The following C1orf146 variants were observed in gnomAD, a reference collection of about 807,000 sequenced individuals.
C1orf146 encodes protein SPO16 homolog.
A neutral mutation model predicts 23.0 loss-of-function variants in C1orf146; 22 were observed. The ratio of observed to expected loss-of-function variants is 0.96; its 90% CI spans 0.68 to 1.36. The LOEUF (loss-of-function observed/expected upper bound fraction) is 1.36. Ranked by LOEUF, C1orf146 falls within the 40% of genes most tolerant of loss-of-function variation. The probability of loss-of-function intolerance (pLI) is 0.00; values close to 1 mark genes in which losing one functional copy is unlikely to be tolerated. For missense variants in C1orf146, 199 were observed against 206.8 expected (o/e 0.96, Z 0.23); for synonymous variants, 59 against 65.3 (o/e 0.90, Z 0.47).
chr1:92,229,033 C>G (rs1652038245), intron 1 of C1orf146: 2 of 481,858 alleles, frequency 4.2e-6, no homozygotes, highest in Admixed American at 4.9e-5. Flanking sequence ...TTGTGGTGAA[C>G]AGTGGAGGGG....
In C1orf146 at chr1:92,245,545, C is replaced by G; in HGVS notation, c.414C>G (p.Thr138=). 1 of 1,592,092 alleles carries G rather than the reference C, an allele frequency of 6.3e-7. No individual in the cohort carries two copies. Among genetic ancestry groups the G allele is most frequent in the Non-Finnish European group, 8.5e-7 (1 of 1,171,770 alleles). Residue 138 remains threonine (T), a synonymous_variant, in exon 6 of 6, where the codon ACC becomes ACG. Transcript: ENST00000370375. ...ATCTTTATATCTTCTTCCAGACTAC[C>G]TCCAAACCATACATAGATAGCATTT... is the stretch of plus-strand genomic sequence containing the variant. ...INLMCTIAKT[T]SKPYIDSICY...
intron 4 of C1orf146, 71 bp from the exon 5 acceptor site, chr1:92,244,705 CTCT>C (rs1467823709): frequency 4.1e-5 from 39 of 943,342 alleles, no homozygotes; most frequent in Admixed American, 3.7e-4. Flanking sequence ...AGAGATTTGT[CTCT>C]TCTTTCCACT....
At chr1:92,240,228 T>C (rs1242775265) in intron 2 of C1orf146, among the ~76,000 whole-genome samples, 1 of 152,250 alleles carries the variant, frequency 6.6e-6, no homozygotes, top group Admixed American at 6.5e-5. Flanking sequence ...CAGCCTCTCT[T>C]CTGCCTCTTT....
intron 2 of C1orf146, among the ~76,000 whole-genome samples, chr1:92,234,496 T>A (rs1275947056): frequency 2.0e-5 from 3 of 152,250 alleles, no homozygotes; most frequent in African/African-American, 7.2e-5. Flanking sequence ...TTTGATGTGC[T>A]GCTGCATTCG....
At chr1:92,244,678 G>A (rs971103230) in intron 4 of C1orf146, 101 bp from the exon 5 acceptor site, 2 of 784,576 alleles carry the variant, frequency 2.5e-6, no homozygotes, top group East Asian at 5.2e-5. Context: ...TGAATGCATA[G>A]ACAAATAACA....
chr1:92,245,413 C>A, intron 5 of C1orf146, 127 bp from the exon 6 acceptor site: 1 of 706,876 alleles, frequency 1.4e-6, no homozygotes, highest in Non-Finnish European at 2.3e-6. Context: ...GTAACTCATA[C>A]ATAGTATTTA....
At chr1:92,226,521 C>T (rs1028232763) in intron 1 of C1orf146, among the ~76,000 whole-genome samples, 3 of 152,132 alleles carry the variant, frequency 2.0e-5, no homozygotes, top group East Asian at 3.8e-4. Context: ...TTTAGTCTTA[C>T]ATTTATGCAT....
chr1:92,223,390 A>G (rs965928981), intron 1 of C1orf146, among the ~76,000 whole-genome samples: 2 of 152,104 alleles, frequency 1.3e-5, no homozygotes, highest in Admixed American at 1.3e-4. Context: ...TTTAATTTGC[A>G]TTTCCCTAAT....
intron 1 of C1orf146, among the ~76,000 whole-genome samples, chr1:92,223,524 G>GT (rs1418886729): frequency 6.6e-6 from 1 of 151,768 alleles, no homozygotes; most frequent in Non-Finnish European, 1.5e-5. Flanking sequence ...GTGTCTTTTT[G>GT]TTTTTGTTTT....
intron 1 of C1orf146, among the ~76,000 whole-genome samples, chr1:92,218,864 G>A (rs538250371): frequency 6.6e-6 from 1 of 152,252 alleles, no homozygotes; most frequent in East Asian, 1.9e-4. Context: ...GCTGGTCGAG[G>A]AGCTTTTCCC....
At chr1:92,223,996 T>TG (rs1222942141) in intron 1 of C1orf146, among the ~76,000 whole-genome samples, 2 of 150,306 alleles carry the variant, frequency 1.3e-5, no homozygotes, top group Non-Finnish European at 3.0e-5. Flanking sequence ...GCAGTTTTGT[T>TG]GTTGTTGTTG....
At chr1:92,237,644 T>TG (rs1652329648) in intron 2 of C1orf146, among the ~76,000 whole-genome samples, 1 of 152,168 alleles carries the variant, frequency 6.6e-6, no homozygotes, top group Admixed American at 6.5e-5. Flanking sequence ...CAGATGGAAA[T>TG]GCAGAAATCA....
intron 1 of C1orf146, among the ~76,000 whole-genome samples, chr1:92,223,525 TTTTTGTTTTTG>T (rs1322215921): frequency 2.6e-5 from 4 of 152,054 alleles, no homozygotes; most frequent in African/African-American, 9.7e-5. Flanking sequence ...TGTCTTTTTG[TTTTTGTTTTTG>T]TTTTGTTTTG....
chr1:92,227,313 C>A (rs1000494490), intron 1 of C1orf146, among the ~76,000 whole-genome samples: 33 of 151,960 alleles, frequency 2.2e-4, no homozygotes, highest in Admixed American at 1.8e-3. Context: ...GAGGCCGAGG[C>A]GGGCGGATCA....
In C1orf146 at chr1:92,244,272, A is replaced by G; in HGVS notation, c.216A>G (p.Ile72Met). Residue 72 changes from isoleucine (I) to methionine (M), a missense_variant, in exon 4 of 6, where the codon ATA becomes ATG. Ile to Met is a conservative substitution (Grantham distance 10). Coordinates refer to ENST00000370375, the MANE Select transcript of C1orf146 (RefSeq NM_001012425.2). ...AATGTCTTCTGTCAACTGAAGAAATATTTCTAGCCAAAATTGAGAAATTTA... is the reference window on the plus strand; with the variant it reads ...AATGTCTTCTGTCAACTGAAGAAATGTTTCTAGCCAAAATTGAGAAATTTA... The part of the protein sequence containing the change: ...TKECLLSTEE[I>M]FLAKIEKFIN... 1 of 1,609,214 alleles carries G rather than the reference A, an allele frequency of 6.2e-7. No homozygotes were observed. The highest frequency in any genetic ancestry group is 8.5e-7 in the Non-Finnish European group (1 of 1,176,800).
At chr1:92,242,392 A>G (rs1051797379) in intron 3 of C1orf146, 87 bp downstream of exon 3, 20 of 674,270 alleles carry the variant, frequency 3.0e-5, no homozygotes, top group Non-Finnish European at 4.1e-5. Flanking sequence ...TAACCATGTA[A>G]TGTATTATCT....
At chr1:92,222,364 G>GTATA (rs922448435) in intron 1 of C1orf146, among the ~76,000 whole-genome samples, 3 of 148,784 alleles carry the variant, frequency 2.0e-5, no homozygotes, top group Admixed American at 1.4e-4. Context: ...TAACATGCAT[G>GTATA]TATATATAAC....
At chr1:92,230,307 A>G (rs1485256272) in intron 1 of C1orf146, among the ~76,000 whole-genome samples, 3 of 138,684 alleles carry the variant, frequency 2.2e-5, no homozygotes, top group Non-Finnish European at 4.7e-5. Flanking sequence ...GATCTCCACA[A>G]TAAGTTAAAA....
intron 2 of C1orf146, 42 bp from the exon 3 acceptor site, chr1:92,242,170 A>C: frequency 8.9e-5 from 93 of 1,049,910 alleles, no homozygotes; most frequent in Non-Finnish European, 1.2e-4. Flanking sequence ...ATACAATTGT[A>C]AGCATGCCTT....
Sources: gnomAD v4.1 joint callset for allele counts (sites outside exome capture counted in the v4.1 genomes callset) on GRCh38, gnomAD v4.1.1 for gene constraint, MANE v1.5 for transcripts, NCBI Gene and HGNC (gene_info 2026-07-23, HGNC 2026-07-21) for gene names.